Variants in MIB1 observed in about 807,000 individuals in gnomAD.
MIB1 encodes E3 ubiquitin-protein ligase MIB1.
In MIB1, 278 loss-of-function variants were observed where a neutral mutation model predicts 124.5. That is an observed-to-expected ratio of 2.23 (90% confidence interval 2.02 to 2.47). The LOEUF (loss-of-function observed/expected upper bound fraction) is 2.47, where lower values mean the gene tolerates loss of function less well. Among genes scored for constraint, MIB1 ranks in the 30% most tolerant of loss-of-function variants. MIB1 has a pLI of 0.00. For synonymous variants in MIB1, 446 were observed against 429.4 expected (o/e 1.04, Z -0.48); for missense variants, 957 against 1,254.4 (o/e 0.76, Z 3.58).
intron 1 of MIB1, among the ~76,000 whole-genome samples, chr18:21,750,518 G>A (rs1489355928): frequency 5.3e-5 from 8 of 152,072 alleles, no homozygotes; most frequent in Non-Finnish European, 1.0e-4. Flanking sequence ...TAGTAGAGAC[G>A]GGGTTTCACC....
At chr18:21,747,426 A>G (rs766523093) in intron 1 of MIB1, among the ~76,000 whole-genome samples, 1 of 152,232 alleles carries the variant, frequency 6.6e-6, no homozygotes, top group Non-Finnish European at 1.5e-5. Flanking sequence ...AGTATTTCTA[A>G]TAAGCTCATA....
In MIB1 at chr18:21,844,106, AG is replaced by A. The variant is rs1568224486; in HGVS notation, c.2066del (p.Gly689ValfsTer19). Reference sequence around the variant, plus strand: ...TTCTCTTTTAGCTTTTGGTCCGTGCAGGTGCCAAGCTTGATATTCAGGATAA... The same window carrying A: ...TTCTCTTTTAGCTTTTGGTCCGTGCAGTGCCAAGCTTGATATTCAGGATAA... ...TQIVRLLVRA[G>X]AKLDIQDKDG... On this transcript the variant is annotated frameshift_variant, in exon 15 of 21. Transcript: ENST00000261537. LOFTEE classifies it high-confidence loss of function. The A allele has an allele frequency of 6.2e-7, 1 of 1,613,990 alleles. No individual in the cohort carries two copies. The highest frequency in any genetic ancestry group is 1.7e-5 in the Admixed American group (1 of 60,020).
intron 7 of MIB1, 24 bp downstream of exon 7, chr18:21,791,581 G>C (rs751023405): frequency 6.4e-7 from 1 of 1,565,374 alleles, no homozygotes; most frequent in Non-Finnish European, 8.7e-7. Context: ...GAATAATTCT[G>C]GGCTAGAAAT....
intron 7 of MIB1, among the ~76,000 whole-genome samples, chr18:21,796,082 A>G (rs988584251): frequency 2.0e-5 from 3 of 151,972 alleles, no homozygotes; most frequent in Non-Finnish European, 4.4e-5. Context: ...TGAGAAGTGT[A>G]TGTTCATATC....
intron 12 of MIB1, among the ~76,000 whole-genome samples, chr18:21,821,776 AT>A (rs1369812867): frequency 1.3e-5 from 2 of 150,708 alleles, no homozygotes; most frequent in Admixed American, 6.6e-5. Context: ...TTTTTTTTGT[AT>A]TTTTTAGTAG....
chr18:21,753,450 A>G (rs2040997604), intron 1 of MIB1, among the ~76,000 whole-genome samples: 1 of 151,606 alleles, frequency 6.6e-6, no homozygotes, highest in African/African-American at 2.4e-5. Flanking sequence ...GACCTCCCAA[A>G]GTGTTGCGAT....
Position 21,839,828 on chromosome 18 carries a change from G to T in MIB1, c.1962+1331G>T, listed in dbSNP as rs148932829. 7.1e-4 allele frequency among the ~76,000 whole-genome samples: 108 copies of T among 152,312 alleles called. 1 individual carries two copies. Among genetic ancestry groups the T allele is most frequent in the African/African-American group, 2.6e-3 (107 of 41,566 alleles). On this transcript the variant is annotated intron_variant, in intron 13 of 20. Transcript: ENST00000261537. ...CTTATTAGTTTCTATTAAAAAGTCT[G>T]TTGGGAGTTTGATTGCTCTTGCACA...
At chr18:21,793,277 C>T (rs1349921378) in intron 7 of MIB1, among the ~76,000 whole-genome samples, 1 of 152,124 alleles carries the variant, frequency 6.6e-6, no homozygotes, top group Non-Finnish European at 1.5e-5. Flanking sequence ...CCTTTAAACT[C>T]AAAACTAACC....
At chr18:21,734,394 C>T (rs1300861012) in intron 1 of MIB1, among the ~76,000 whole-genome samples, 2 of 152,096 alleles carry the variant, frequency 1.3e-5, no homozygotes, top group Non-Finnish European at 2.9e-5. Flanking sequence ...TGTGAGCCAA[C>T]GTGCCTGGCT....
Position 21,741,607 on chromosome 18 carries a change from G to A in MIB1, c.24G>A (p.Arg8=), listed in dbSNP as rs779041700. MSNSRNN[R]VMVEGVGARV... ...CGATGAGTAACTCCCGGAATAACCGGGTGATGGTGGAAGGGGTTGGCGCTC... is the reference window on the plus strand; with the variant it reads ...CGATGAGTAACTCCCGGAATAACCGAGTGATGGTGGAAGGGGTTGGCGCTC... The change falls in exon 1 of 21, where the codon CGG becomes CGA. Residue 8 remains arginine (R), a synonymous_variant. Transcript: ENST00000261537. This position sits in a 1 kb window ranked among gnomAD's most constrained non-coding sequence, Gnocchi z 5.4. 6.3e-7 allele frequency: 1 copy of A among 1,587,782 alleles called. No individual in the cohort carries two copies. The highest frequency in any genetic ancestry group is 8.5e-7 in the Non-Finnish European group (1 of 1,169,752).
At chr18:21,839,194 A>T (rs1039279100) in intron 13 of MIB1, among the ~76,000 whole-genome samples, 2 of 152,252 alleles carry the variant, frequency 1.3e-5, no homozygotes, top group African/African-American at 4.8e-5. Flanking sequence ...AGAAAAATTT[A>T]GCAAATAATA....
intron 1 of MIB1, among the ~76,000 whole-genome samples, chr18:21,750,841 T>C (rs2040966682): frequency 6.6e-6 from 1 of 152,180 alleles, no homozygotes; most frequent in African/African-American, 2.4e-5. Context: ...TCCCAAATTT[T>C]TGTTTGCATT....
intron 10 of MIB1, among the ~76,000 whole-genome samples, chr18:21,805,950 C>T (rs969456932): frequency 6.2e-4 from 84 of 136,566 alleles, no homozygotes; most frequent in Non-Finnish European, 1.0e-3. Context: ...GTTGCCCAGG[C>T]TGGAATGCAG....
chr18:21,793,446 T>C (rs2041530512), intron 7 of MIB1, among the ~76,000 whole-genome samples: 1 of 151,914 alleles, frequency 6.6e-6, no homozygotes, highest in Non-Finnish European at 1.5e-5. Context: ...ACAGTTATTA[T>C]TGAAAAAAGG....
intron 10 of MIB1, among the ~76,000 whole-genome samples, chr18:21,813,445 A>G (rs111693793): frequency 1.3e-5 from 2 of 152,292 alleles, no homozygotes; most frequent in African/African-American, 4.8e-5. Context: ...CCTAACCACA[A>G]GACCCCCAGG....
At chr18:21,844,820 T>C (rs2042121843) in intron 15 of MIB1, among the ~76,000 whole-genome samples, 2 of 152,238 alleles carry the variant, frequency 1.3e-5, no homozygotes, top group African/African-American at 2.4e-5. Flanking sequence ...ACTATTGATA[T>C]TGAGCATCTT....
intron 7 of MIB1, among the ~76,000 whole-genome samples, chr18:21,795,084 AT>A (rs1394880287): frequency 2.0e-5 from 3 of 151,426 alleles, no homozygotes; most frequent in African/African-American, 7.3e-5. Flanking sequence ...AACAATGTAA[AT>A]TTTAGTTGTA....
At position 21,741,527 on chromosome 18, in the gene MIB1, CCGGCGGCAGCGGCGGCGGCGG is replaced by C. The variant is rs536200133; in HGVS notation, c.-41_-21del. On this transcript the variant is annotated 5_prime_UTR_variant, in exon 1 of 21. Coordinates refer to ENST00000261537, the MANE Select transcript of MIB1 (RefSeq NM_020774.4). This position sits in a 1 kb window ranked among gnomAD's most constrained non-coding sequence, Gnocchi z 5.4. ...CGGGCCCAACTCCCTCACGGGCCCC[CCGGCGGCAGCGGCGGCGGCGG>C]CGGCGGCAGCGGCGGAGCCCACCGC... 1.0e-4 allele frequency: 131 copies of C among 1,272,094 alleles called. 3 individuals carry two copies. The East Asian group carries it at 1.2e-3, about 12-fold the overall frequency. The allele number at this position is 1,272,094 out of a possible 1,614,324, so 78.8% of individuals were successfully genotyped here.
chr18:21,801,344 C>G (rs2146456459), intron 9 of MIB1, among the ~76,000 whole-genome samples: 1 of 152,194 alleles, frequency 6.6e-6, no homozygotes, highest in South Asian at 2.1e-4. Flanking sequence ...CTAGCTTCAT[C>G]ATGTAGTTAT....
Sources: allele counts gnomAD v4.1 joint callset (sites outside exome capture counted in the v4.1 genomes callset), GRCh38; gene constraint gnomAD v4.1.1; non-coding constraint Gnocchi (gnomAD v3.1); transcripts MANE v1.5; gene names NCBI Gene and HGNC (gene_info 2026-07-23, HGNC 2026-07-21).